TP53BP1: variants seen among roughly 807,000 people sequenced by gnomAD.
The protein encoded by TP53BP1 is tumor protein p53 binding protein 1.
Under a neutral mutation model 200.8 loss-of-function variants are expected in TP53BP1, and 61 were observed. That is an observed-to-expected ratio of 0.30 (90% CI 0.25 to 0.38). The LOEUF is 0.38. Ranked by LOEUF, TP53BP1 falls within the 10% of genes least tolerant of loss-of-function variation. TP53BP1 has a pLI of 1.00. For synonymous variants in TP53BP1, 822 were observed against 844.3 expected, an observed-to-expected ratio of 0.97 and a Z score of 0.46; for missense variants, 2,144 against 2,371.9, an observed-to-expected ratio of 0.90 and a Z score of 2.00.
At chr15:43,473,043 G>A (rs942599689) in intron 10 of TP53BP1, among the ~76,000 whole-genome samples, 5 of 152,058 alleles carry the variant, frequency 3.3e-5, no homozygotes, top group Admixed American at 1.3e-4. Context: ...GCAGACCTTC[G>A]CGGTGAGTAT....
In TP53BP1 at chr15:43,443,742, T is replaced by C. The variant is rs1027780397; in HGVS notation, c.3041-2159A>G. 2.6e-5 allele frequency among the ~76,000 whole-genome samples: 4 copies of C among 152,064 alleles called. No homozygotes were observed. The South Asian group carries it at 6.2e-4, about 24-fold the overall frequency. ...AACAAAAAGGACATTTTCAAGAACA[T>C]GCAGCAACAGATTAAAGGTCGTACT... On this transcript the variant is annotated intron_variant, in intron 14 of 27. Coordinates refer to ENST00000382044, the MANE Select transcript of TP53BP1 (RefSeq NM_001141980.3).
intron 1 of TP53BP1, among the ~76,000 whole-genome samples, chr15:43,509,328 G>C (rs2079257838): frequency 6.6e-6 from 1 of 152,022 alleles, no homozygotes; most frequent in African/African-American, 2.4e-5. Flanking sequence ...GATTTTCAGG[G>C]CCATGTCCAA....
chr15:43,444,516 C>G (rs2045998391), intron 14 of TP53BP1, among the ~76,000 whole-genome samples: 1 of 152,194 alleles, frequency 6.6e-6, no homozygotes, highest in Non-Finnish European at 1.5e-5. Flanking sequence ...AGTACCACAG[C>G]ATCAAAGATT....
At chr15:43,507,868 C>T (rs2079246430) in intron 1 of TP53BP1, among the ~76,000 whole-genome samples, 1 of 152,062 alleles carries the variant, frequency 6.6e-6, no homozygotes, top group African/African-American at 2.4e-5. Context: ...GCACACACCA[C>T]CACACCCGGC....
intron 11 of TP53BP1, among the ~76,000 whole-genome samples, chr15:43,462,216 C>CAAAAAAAAAAAA (rs779088744): frequency 5.9e-5 from 2 of 34,098 alleles, no homozygotes; most frequent in Non-Finnish European, 1.2e-4. Context: ...GACTTCATCT[C>CAAAAAAAAAAAA]AAAAAAAAAA....
At chr15:43,485,852 G>C (rs2079039927) in intron 4 of TP53BP1, among the ~76,000 whole-genome samples, 1 of 151,194 alleles carries the variant, frequency 6.6e-6, no homozygotes, top group South Asian at 2.1e-4. Flanking sequence ...TTTCAAAAAA[G>C]AAAAAAGAAA....
intron 12 of TP53BP1, among the ~76,000 whole-genome samples, chr15:43,455,000 G>C (rs2046261072): frequency 6.6e-6 from 1 of 152,162 alleles, no homozygotes; most frequent in Non-Finnish European, 1.5e-5. Flanking sequence ...AAAGTGTTAG[G>C]ATTACAGGCG....
intron 24 of TP53BP1, 69 bp downstream of exon 24, chr15:43,413,050 G>T: frequency 6.7e-7 from 1 of 1,487,636 alleles, no homozygotes; most frequent in Non-Finnish European, 9.3e-7. Flanking sequence ...GGGACCACCA[G>T]CTCATAAGTG....
rs61758069 is a variant in TP53BP1, at chr15:43,441,530, C to A, written c.3094G>T (p.Ala1032Ser). Residue 1032 changes from alanine to serine, a missense_variant, in exon 15 of 28, where the codon GCC becomes TCC. By Grantham distance (99) the Ala-to-Ser change is moderately conservative. Around this residue, in one of 4 missense-constraint regions of TP53BP1, gnomAD observed 1,700 missense variants for 1,710.3 expected, o/e 0.99. Coordinates refer to ENST00000382044, the MANE Select transcript of TP53BP1 (RefSeq NM_001141980.3). ...NGSTAVAESV[A>S]SPQKTMSVLS... The stretch of plus-strand genomic sequence containing the variant: ...ATAGCATCCAGCTTTGGTTACCTGG[C>A]AACAGACTCAGCAACAGCAGTAGAT... 2.6e-5 allele frequency: 42 copies of A among 1,611,874 alleles called. No homozygotes were observed. The African/African-American group carries it at 4.4e-4, about 17-fold the overall frequency.
Position 43,408,989 on chromosome 15 carries a change from G to A in TP53BP1, c.5508C>T (p.Val1836=). The A allele has an allele frequency of 1.2e-6, 2 of 1,614,164 alleles. No individual in the cohort carries two copies. Among genetic ancestry groups the A allele is most frequent in the South Asian group, 1.1e-5 (1 of 91,088 alleles). The change falls in exon 26 of 28, where the codon GTC becomes GTT. Residue 1836 remains valine, a synonymous_variant. Coordinates refer to ENST00000382044, the MANE Select transcript of TP53BP1 (RefSeq NM_001141980.3). ...SGIPCVSHVW[V]HDSCHANQLQ... ...GCTGGTTGGCATGGCAACTATCATGGACCCAGACATGAGACACACAAGGAA... is the reference window on the plus strand; with the variant it reads ...GCTGGTTGGCATGGCAACTATCATGAACCCAGACATGAGACACACAAGGAA...
intron 16 of TP53BP1, among the ~76,000 whole-genome samples, chr15:43,434,167 G>T (rs1054366024): frequency 2.2e-4 from 33 of 152,208 alleles, no homozygotes; most frequent in African/African-American, 7.7e-4. Context: ...GAAGAAGTAA[G>T]AACAAGACCA....
At chr15:43,417,880 A>G (rs1200811813) in intron 21 of TP53BP1, among the ~76,000 whole-genome samples, 1 of 152,188 alleles carries the variant, frequency 6.6e-6, no homozygotes, top group African/African-American at 2.4e-5. Flanking sequence ...ATGGACTCCA[A>G]CAGAAAGCCA....
chr15:43,423,599 A>C (rs1284321810), intron 18 of TP53BP1, among the ~76,000 whole-genome samples: 1 of 150,682 alleles, frequency 6.6e-6, no homozygotes, highest in Admixed American at 6.6e-5. Context: ...ATGGAGCTGC[A>C]GTGAGCTAAG....
chr15:43,503,840 T>A (rs2140181906), intron 1 of TP53BP1, among the ~76,000 whole-genome samples: 1 of 152,260 alleles, frequency 6.6e-6, no homozygotes, highest in South Asian at 2.1e-4. Context: ...CAACCAACCA[T>A]GAATTGAAAA....
At position 43,438,359 on chromosome 15, in the gene TP53BP1, C is replaced by T. The variant is rs777713465; in HGVS notation, c.3156G>A (p.Glu1052=). ...SCICEARQEN[E]ARSEDPPTTP... ...TGGTGGGGGGATCCTCACTTCGAGC[C>T]TCATTCTCTTGCCTGGCTTCACAGA... Residue 1052 remains glutamate (E), a synonymous_variant, in exon 16 of 28, where the codon GAG becomes GAA. Transcript: ENST00000382044. 1.2e-6 allele frequency: 2 copies of T among 1,613,818 alleles called. No individual in the cohort carries two copies. The highest frequency in any genetic ancestry group is 1.3e-5 in the African/African-American group (1 of 75,008).
intron 16 of TP53BP1, among the ~76,000 whole-genome samples, chr15:43,437,471 A>G (rs1324232901): frequency 6.6e-6 from 1 of 152,126 alleles, no homozygotes. Context: ...CATCTCTACA[A>G]AGAATAGAAA....
In TP53BP1 at chr15:43,406,869, G is replaced by A. The variant is rs2142919868; in HGVS notation, c.*514C>T. 3.3e-6 allele frequency: 1 copy of A among 302,820 alleles called. No individual in the cohort carries two copies. Among genetic ancestry groups the A allele is most frequent in the East Asian group, 8.5e-5 (1 of 11,702 alleles). 18.8% of individuals were successfully genotyped at this position (302,820 alleles called of 1,614,324 possible). ...TCTCCCTTTAGCTCTAAGAGTTGGGGAGTACCCACAGGTGAGCTGTGATCT... is the reference window on the plus strand; with the variant it reads ...TCTCCCTTTAGCTCTAAGAGTTGGGAAGTACCCACAGGTGAGCTGTGATCT... On this transcript the variant is annotated 3_prime_UTR_variant, in exon 28 of 28. Coordinates refer to ENST00000382044, the MANE Select transcript of TP53BP1 (RefSeq NM_001141980.3).
chr15:43,442,726 G>A (rs1460139442), intron 14 of TP53BP1, among the ~76,000 whole-genome samples: 2 of 149,426 alleles, frequency 1.3e-5, no homozygotes, highest in African/African-American at 2.5e-5. Context: ...TCAAACTTCC[G>A]ACCTCAGGTG....
intron 16 of TP53BP1, 90 bp from the exon 17 acceptor site, chr15:43,432,767 G>A (rs1056682418): frequency 1.5e-5 from 21 of 1,384,484 alleles, no homozygotes; most frequent in Non-Finnish European, 1.8e-5. Context: ...GTGTGTAGTG[G>A]CAAGGGGGGA....
Sources: allele counts gnomAD v4.1 joint callset (sites outside exome capture counted in the v4.1 genomes callset), GRCh38; gene constraint gnomAD v4.1.1; regional missense constraint gnomAD v4.1.1; transcripts MANE v1.5; gene names NCBI Gene and HGNC (gene_info 2026-07-23, HGNC 2026-07-21).